Variants in RBL1 observed in about 807,000 individuals in gnomAD.
The protein encoded by RBL1 is retinoblastoma-like protein 1.
RBL1 carries 82 observed loss-of-function variants against 123.0 expected under a neutral mutation model. The observed-to-expected ratio is 0.67, with a 90% CI of 0.56 to 0.80. The LOEUF (loss-of-function observed/expected upper bound fraction) is 0.80, where lower values mean the gene tolerates loss of function less well. Among genes scored for constraint, RBL1 ranks in the 30% least tolerant of loss-of-function variants. The probability of loss-of-function intolerance (pLI) is 0.00; values close to 1 mark genes in which losing one functional copy is unlikely to be tolerated. For missense variants in RBL1, 1,171 were observed against 1,299.6 expected (o/e 0.90, Z 1.52); for synonymous variants, 405 against 441.3 (o/e 0.92, Z 1.03).
intron 1 of RBL1, among the ~76,000 whole-genome samples, chr20:37,091,395 A>G (rs905979693): frequency 2.0e-5 from 3 of 151,298 alleles, no homozygotes; most frequent in African/African-American, 7.3e-5. Context: ...AAGGCCAGGC[A>G]CAGTGGCTCA....
intron 5 of RBL1, 51 bp from the exon 6 acceptor site, chr20:37,066,935 TA>T: frequency 6.3e-7 from 1 of 1,595,792 alleles, no homozygotes; most frequent in Non-Finnish European, 8.5e-7. Context: ...AGTCAACTTT[TA>T]AAAATCTTTT....
chr20:37,022,501 A>AT, intron 17 of RBL1, 149 bp downstream of exon 17: 1 of 641,370 alleles, frequency 1.6e-6, no homozygotes, highest in Non-Finnish European at 2.5e-6. Context: ...TGATTTTTAT[A>AT]TTTTTTATAG....
At chr20:37,008,443 C>G (rs1385787516) in intron 19 of RBL1, among the ~76,000 whole-genome samples, 1 of 152,154 alleles carries the variant, frequency 6.6e-6, no homozygotes, top group Non-Finnish European at 1.5e-5. Flanking sequence ...TGAGCACCCT[C>G]AATTGTAAAA....
chr20:37,094,475 G>A lies in RBL1; in HGVS notation c.156+1298C>T, dbSNP rs2065696953. 2.0e-5 allele frequency among the ~76,000 whole-genome samples: 3 copies of A among 152,100 alleles called. No homozygotes were observed. The South Asian group carries it at 6.2e-4, about 32-fold the overall frequency. ...ACAATCGACACTTTTCCAACTCTATGCCTTTGAACCCAGCAATTATTTCAC... is the reference window on the plus strand; with the variant it reads ...ACAATCGACACTTTTCCAACTCTATACCTTTGAACCCAGCAATTATTTCAC... On this transcript the variant is annotated intron_variant, in intron 1 of 21. Transcript: ENST00000373664.
intron 2 of RBL1, among the ~76,000 whole-genome samples, chr20:37,068,541 A>AT (rs2065220973): frequency 6.6e-6 from 1 of 151,846 alleles, no homozygotes; most frequent in South Asian, 2.1e-4. Context: ...AAAAAAAAAA[A>AT]GTCCTCACTA....
rs1371714895 is a variant in RBL1 at position 37,007,491 on chromosome 20, T to G, written c.2791A>C (p.Ile931Leu). ...ACATATATTGTATTGTAAAATTTTA[T>G]AAGATCACCTCTTTCCTCTTTCACT... is the stretch of plus-strand genomic sequence containing the variant. Reference protein sequence around the residue: ...GPVKEERGDLIKFYNTIYVGR... With the variant: ...GPVKEERGDLLKFYNTIYVGR... The change falls in exon 20 of 22, where the codon ATA becomes CTA. Residue 931 changes from isoleucine (I) to leucine (L), a missense_variant. Ile to Leu is a conservative substitution (Grantham distance 5, BLOSUM62 2). Transcript: ENST00000373664. The G allele has an allele frequency of 1.2e-6, 2 of 1,613,788 alleles. No homozygotes were observed. Among genetic ancestry groups the G allele is most frequent in the East Asian group, 4.5e-5 (2 of 44,886 alleles).
chr20:37,045,085 T>TTTAC (rs1382083271), intron 12 of RBL1, among the ~76,000 whole-genome samples: 2 of 72,696 alleles, frequency 2.8e-5, no homozygotes, highest in South Asian at 4.2e-4. Context: ...TATTTACTTA[T>TTTAC]TTATTTATTT....
intron 21 of RBL1, among the ~76,000 whole-genome samples, chr20:37,001,852 GAGTCTAA>G (rs2063986285): frequency 7.5e-6 from 1 of 133,762 alleles, no homozygotes; most frequent in African/African-American, 2.8e-5. Context: ...TGTGAACTAA[GAGTCTAA>G]ATCTGTGAAA....
chr20:37,095,585 G>A (rs1490387144), intron 1 of RBL1, among the ~76,000 whole-genome samples, 188 bp downstream of exon 1: 1 of 152,124 alleles, frequency 6.6e-6, no homozygotes, highest in Non-Finnish European at 1.5e-5. Context: ...CTGAGCTTCA[G>A]TTTCCCGCCT....
chr20:37,086,517 G>T (rs1366598303), intron 2 of RBL1, among the ~76,000 whole-genome samples: 1 of 151,938 alleles, frequency 6.6e-6, no homozygotes, highest in Non-Finnish European at 1.5e-5. Flanking sequence ...TCCAGCCGGG[G>T]CAACAAGAGC....
At position 37,062,152 on chromosome 20, in the gene RBL1, C is replaced by G; in HGVS notation, c.1015G>C (p.Asp339His). The G allele has an allele frequency of 6.2e-7, 1 of 1,614,180 alleles. No individual in the cohort carries two copies. The highest frequency in any genetic ancestry group is 8.5e-7 in the Non-Finnish European group (1 of 1,180,032). ...GCTGTCAGTTTCCCTAATGGGGTGT[C>G]ACGAGTGAACTTTCGAGGTGTTCCA... The part of the protein sequence containing the change: ...EIGTPRKFTR[D>H]TPLGKLTAQA... Residue 339 changes from aspartate to histidine, a missense_variant, in exon 8 of 22, where the codon GAC (aspartate) becomes CAC (histidine). Physicochemically the swap from Asp to His is moderately conservative, Grantham distance 81. Coordinates refer to ENST00000373664, the MANE Select transcript of RBL1 (RefSeq NM_002895.5).
chr20:37,028,638 C>T (rs1259240343), intron 16 of RBL1, among the ~76,000 whole-genome samples: 2 of 152,168 alleles, frequency 1.3e-5, no homozygotes, highest in African/African-American at 4.8e-5. Context: ...ATGTATTTGT[C>T]CCACAGTGAA....
At chr20:37,061,978 T>G in intron 8 of RBL1, 106 bp downstream of exon 8, 1 of 1,268,002 alleles carries the variant, frequency 7.9e-7, no homozygotes, top group Non-Finnish European at 1.1e-6. Flanking sequence ...TATGAATTAG[T>G]AGAAGAAGCT....
At chr20:37,086,413 C>T (rs1055415418) in intron 2 of RBL1, among the ~76,000 whole-genome samples, 1 of 151,864 alleles carries the variant, frequency 6.6e-6, no homozygotes, top group Non-Finnish European at 1.5e-5. Context: ...ATGGTGAAAC[C>T]CTCTCCCTAT....
chr20:37,047,076 A>T lies in RBL1; in HGVS notation c.1582T>A (p.Leu528Met), dbSNP rs1215457127. 2 of 1,587,656 alleles carry T rather than the reference A, an allele frequency of 1.3e-6. No individual in the cohort carries two copies. Among genetic ancestry groups the T allele is most frequent in the African/African-American group, 2.7e-5 (2 of 73,246 alleles). ...TFPWIIEVLN[L>M]QPFYFYKVIE... ...ACCTTATAAAAGTAAAATGGTTGCA[A>T]GTTGAGAACTTCAATAATCCAAGGA... is the stretch of plus-strand genomic sequence containing the variant. The change falls in exon 12 of 22, where the codon TTG (leucine) becomes ATG (methionine). Residue 528 changes from leucine to methionine, a missense_variant. Physicochemically the swap from Leu to Met is conservative, Grantham distance 15 (BLOSUM62 2). Coordinates refer to ENST00000373664, the MANE Select transcript of RBL1 (RefSeq NM_002895.5).
At chr20:37,051,288 C>G (rs2064908012) in intron 11 of RBL1, among the ~76,000 whole-genome samples, 1 of 152,060 alleles carries the variant, frequency 6.6e-6, no homozygotes, top group Admixed American at 6.6e-5. Flanking sequence ...TTAACACAAT[C>G]CTGCCTCAGC....
At chr20:37,089,228 T>A in intron 1 of RBL1, 106 bp from the exon 2 acceptor site, 1 of 1,145,722 alleles carries the variant, frequency 8.7e-7, no homozygotes, top group Non-Finnish European at 1.2e-6. Flanking sequence ...TTTCCTTATG[T>A]AGATAAAGGG....
At chr20:37,080,443 C>T (rs1481698397) in intron 2 of RBL1, among the ~76,000 whole-genome samples, 1 of 150,168 alleles carries the variant, frequency 6.7e-6, no homozygotes, top group East Asian at 2.0e-4. Flanking sequence ...CTGGTCCCGC[C>T]GCAATTTACT....
chr20:37,006,609 G>A (rs2064077332), intron 20 of RBL1, among the ~76,000 whole-genome samples: 2 of 151,354 alleles, frequency 1.3e-5, no homozygotes, highest in Admixed American at 6.6e-5. Flanking sequence ...GGGAGGCCGA[G>A]GTGGGCGGAT....
Sources: gnomAD v4.1 joint callset for allele counts (sites outside exome capture counted in the v4.1 genomes callset) on GRCh38, gnomAD v4.1.1 for gene constraint, MANE v1.5 for transcripts, NCBI Gene and HGNC (gene_info 2026-07-23, HGNC 2026-07-21) for gene names.